The following SGMS1 variants were observed in gnomAD, a reference collection of about 807,000 sequenced individuals.
SGMS1 encodes the protein phosphatidylcholine:ceramide cholinephosphotransferase 1.
In SGMS1, 13 loss-of-function variants were observed where a neutral mutation model predicts 46.2. The ratio of observed to expected loss-of-function variants is 0.28; its 90% CI spans 0.18 to 0.45. The LOEUF (loss-of-function observed/expected upper bound fraction) is 0.45. Ranked by LOEUF, SGMS1 falls within the 20% of genes least tolerant of loss-of-function variation. The pLI is 1.00. For synonymous variants in SGMS1, 203 were observed against 187.8 expected (o/e 1.08, Z -0.66); for missense variants, 324 against 519.9 (o/e 0.62, Z 3.66).
intron 3 of SGMS1, among the ~76,000 whole-genome samples, chr10:50,473,783 G>A (rs894542135): frequency 2.6e-5 from 4 of 152,104 alleles, no homozygotes; most frequent in African/African-American, 9.7e-5. Context: ...GTTGTCTTTC[G>A]ATTGCCATCT....
chr10:50,331,094 T>C (rs1847616868), intron 7 of SGMS1, among the ~76,000 whole-genome samples: 1 of 152,156 alleles, frequency 6.6e-6, no homozygotes, highest in Non-Finnish European at 1.5e-5. Context: ...TTTCTTAATA[T>C]ATAAGGTTGA....
chr10:50,442,989 CT>C (rs1849564324), intron 5 of SGMS1, among the ~76,000 whole-genome samples: 1 of 152,180 alleles, frequency 6.6e-6, no homozygotes, highest in Non-Finnish European at 1.5e-5. Context: ...ACTATTCAAA[CT>C]GCACTTAATA....
At position 50,581,121 on chromosome 10, in the gene SGMS1, T is replaced by G. The variant is rs568239140; in HGVS notation, c.-589+9032A>C. ...TGCTCTAGTTCAAAAATATTCTCAG[T>G]TTTGAATGCACAGCAACCTCCAATG... is the stretch of plus-strand genomic sequence containing the variant. On this transcript the variant is annotated intron_variant, in intron 2 of 10. Coordinates refer to ENST00000361781, the MANE Select transcript of SGMS1 (RefSeq NM_147156.4). Among the ~76,000 whole-genome samples, 4 of 152,260 alleles carry G rather than the reference T, an allele frequency of 2.6e-5. No individual in the cohort carries two copies. The South Asian group carries it at 6.2e-4, about 24-fold the overall frequency.
intron 3 of SGMS1, among the ~76,000 whole-genome samples, chr10:50,508,342 A>G (rs934023446): frequency 6.6e-6 from 1 of 152,180 alleles, no homozygotes; most frequent in Admixed American, 6.5e-5. Flanking sequence ...CATGGGCTGT[A>G]GTGGAAAACC....
chr10:50,567,774 T>C (rs921323826), intron 2 of SGMS1, among the ~76,000 whole-genome samples: 1 of 152,196 alleles, frequency 6.6e-6, no homozygotes, highest in Non-Finnish European at 1.5e-5. Flanking sequence ...ATGCACACAC[T>C]TATTTCAAAT....
intron 6 of SGMS1, among the ~76,000 whole-genome samples, chr10:50,427,196 A>G (rs1487820661): frequency 1.3e-5 from 2 of 152,198 alleles, no homozygotes; most frequent in African/African-American, 2.4e-5. Context: ...CAGGAGATAG[A>G]GACAATCCTG....
rs2983351 is a variant in SGMS1, at chr10:50,529,394, T to G, written c.-588-9473A>C. On this transcript the variant is annotated intron_variant, in intron 2 of 10. Transcript: ENST00000361781. ...CTGTATCCTTACCACAATACAATGC[T>G]AGGTAAACTTAGGCCTTCAATAAAC... Among the ~76,000 whole-genome samples, 1,213 of 152,284 alleles carry G rather than the reference T, an allele frequency of 8.0e-3. 9 individuals carry two copies. The highest frequency in any genetic ancestry group is 0.015 in the Non-Finnish European group (997 of 68,020).
chr10:50,510,570 C>T, intron 3 of SGMS1, among the ~76,000 whole-genome samples: 1 of 150,016 alleles, frequency 6.7e-6, no homozygotes. Context: ...TGTTTGTTTG[C>T]TTCTTACTTA....
chr10:50,401,579 T>C (rs575290734), intron 6 of SGMS1, among the ~76,000 whole-genome samples: 8 of 152,256 alleles, frequency 5.3e-5, no homozygotes, highest in African/African-American at 1.4e-4. Flanking sequence ...AACTATAAAG[T>C]ACTCCTTCAA....
chr10:50,624,046 G>A (rs1314968356), upstream of SGMS1: 2 of 985,368 alleles, frequency 2.0e-6, no homozygotes, highest in Non-Finnish European at 2.4e-6. Flanking sequence ...GGCCGGGGGG[G>A]CGGGCCGGCC....
chr10:50,566,470 C>G (rs1183830590), intron 2 of SGMS1, among the ~76,000 whole-genome samples: 1 of 152,160 alleles, frequency 6.6e-6, no homozygotes, highest in Non-Finnish European at 1.5e-5. Flanking sequence ...AAATTTCTCT[C>G]TGATTCTTGT....
chr10:50,423,144 T>C (rs183255056), intron 6 of SGMS1, among the ~76,000 whole-genome samples: 3 of 152,320 alleles, frequency 2.0e-5, no homozygotes, highest in East Asian at 3.9e-4. Flanking sequence ...GTGAGCCACA[T>C]TGGCTCTAAA....
intron 1 of SGMS1, among the ~76,000 whole-genome samples, chr10:50,619,181 G>A (rs1838825109): frequency 6.6e-6 from 1 of 152,188 alleles, no homozygotes; most frequent in Non-Finnish European, 1.5e-5. Context: ...GTTTGCTAGT[G>A]GTAGCAGGAG....
chr10:50,477,248 AT>A (rs1837435807), intron 3 of SGMS1, among the ~76,000 whole-genome samples: 1 of 152,204 alleles, frequency 6.6e-6, no homozygotes, highest in Admixed American at 6.5e-5. Context: ...GGCAAAGGAG[AT>A]TATTTTGCAG....
chr10:50,311,506 C>T lies in SGMS1; in HGVS notation c.742-91G>A, dbSNP rs1847251158. ...ATTACTATTCATATCCAGAATTAAGCTTATATTAAGAAACATAAAATCCCC... is the reference window on the plus strand; with the variant it reads ...ATTACTATTCATATCCAGAATTAAGTTTATATTAAGAAACATAAAATCCCC... On this transcript the variant is annotated intron_variant, in intron 8 of 10. Transcript: ENST00000361781. 6 of 1,106,926 alleles carry T rather than the reference C, an allele frequency of 5.4e-6. No homozygotes were observed. The East Asian group carries it at 3.4e-4, about 63-fold the overall frequency. The allele number at this position is 1,106,926 out of a possible 1,614,324, so 68.6% of individuals were successfully genotyped here. A position where few individuals can be genotyped will look rare whatever the true frequency, so the allele number is the denominator to read the frequency against.
intron 1 of SGMS1, among the ~76,000 whole-genome samples, chr10:50,601,325 T>C (rs1838648021): frequency 6.6e-6 from 1 of 152,198 alleles, no homozygotes; most frequent in African/African-American, 2.4e-5. Context: ...GGCAAGACAA[T>C]TTCACATTTT....
intron 5 of SGMS1, among the ~76,000 whole-genome samples, chr10:50,435,871 A>AC (rs1437650925): frequency 6.6e-6 from 1 of 152,164 alleles, no homozygotes; most frequent in Non-Finnish European, 1.5e-5. Context: ...CTTCCAAGTC[A>AC]CCCTCTTTGG....
intron 6 of SGMS1, among the ~76,000 whole-genome samples, chr10:50,430,795 A>G (rs1197203450): frequency 6.6e-6 from 1 of 152,078 alleles, no homozygotes; most frequent in African/African-American, 2.4e-5. Context: ...TTCTCTTTTC[A>G]GGTTTGATTA....
chr10:50,605,509 G>A (rs574890760), intron 1 of SGMS1, among the ~76,000 whole-genome samples: 93 of 152,278 alleles, frequency 6.1e-4, no homozygotes, highest in African/African-American at 1.9e-3. Context: ...TGAAAACACC[G>A]GCTGTTTTCC....
Sources: gnomAD v4.1 joint callset for allele counts (sites outside exome capture counted in the v4.1 genomes callset) on GRCh38, gnomAD v4.1.1 for gene constraint, MANE v1.5 for transcripts, NCBI Gene and HGNC (gene_info 2026-07-23, HGNC 2026-07-21) for gene names.